Variants in GALNT17 observed in about 807,000 individuals in gnomAD.
The protein encoded by GALNT17 is UDP-GalNAc:polypeptide N-acetylgalactosaminyltransferase-like 3.
GALNT17 carries 29 observed loss-of-function variants against 63.7 expected under a neutral mutation model. The ratio of observed to expected loss-of-function variants is 0.46; its 90% CI spans 0.34 to 0.62. The LOEUF (loss-of-function observed/expected upper bound fraction) is 0.62, where lower values mean the gene tolerates loss of function less well. Ranked by LOEUF, GALNT17 falls within the 20% of genes least tolerant of loss-of-function variation. The pLI is 0.01. For synonymous variants in GALNT17, 305 were observed against 318.3 expected (o/e 0.96, Z 0.45); for missense variants, 603 against 799.6 (o/e 0.75, Z 2.97).
intron 5 of GALNT17, among the ~76,000 whole-genome samples, chr7:71,425,441 C>A (rs1302347150): frequency 6.6e-6 from 1 of 152,086 alleles, no homozygotes; most frequent in African/African-American, 2.4e-5. Context: ...CCAGGCTGGT[C>A]TTGAACTCCT....
intron 2 of GALNT17, among the ~76,000 whole-genome samples, chr7:71,374,845 T>A (rs1179945054): frequency 3.4e-5 from 5 of 149,036 alleles, no homozygotes; most frequent in African/African-American, 1.2e-4. Flanking sequence ...TTTTTTTTTT[T>A]TTTTTTTTTT....
intron 1 of GALNT17, among the ~76,000 whole-genome samples, chr7:71,242,301 A>G (rs1455620927): frequency 5.0e-5 from 6 of 119,280 alleles, no homozygotes; most frequent in African/African-American, 1.7e-4. Flanking sequence ...ACAGAGTCTC[A>G]CTCTGTCGCC....
At chr7:71,648,183 G>T (rs1381452478) in intron 6 of GALNT17, among the ~76,000 whole-genome samples, 3 of 151,928 alleles carry the variant, frequency 2.0e-5, no homozygotes, top group Non-Finnish European at 4.4e-5. Flanking sequence ...GTTTTTCTCA[G>T]CATTTACTAT....
intron 2 of GALNT17, among the ~76,000 whole-genome samples, chr7:71,345,147 G>GTTTTTTT (rs67919212): frequency 5.7e-5 from 8 of 139,428 alleles, no homozygotes; most frequent in East Asian, 2.1e-4. Flanking sequence ...GTTGTTTTTT[G>GTTTTTTT]TTTTTTTTTT....
chr7:71,184,478 A>G (rs1217766190), intron 1 of GALNT17, among the ~76,000 whole-genome samples: 2 of 152,136 alleles, frequency 1.3e-5, no homozygotes, highest in African/African-American at 2.4e-5. Flanking sequence ...GTCTTCACCA[A>G]CACACACTTT....
chr7:71,222,581 C>G (rs1020353142), intron 1 of GALNT17, among the ~76,000 whole-genome samples: 1 of 152,114 alleles, frequency 6.6e-6, no homozygotes, highest in African/African-American at 2.4e-5. Flanking sequence ...AGTTAGCCAT[C>G]GTGCCCAGCA....
At chr7:71,409,098 A>G (rs1485590641) in intron 3 of GALNT17, among the ~76,000 whole-genome samples, 1 of 151,642 alleles carries the variant, frequency 6.6e-6, no homozygotes, top group Non-Finnish European at 1.5e-5. Context: ...TGGAAATGGC[A>G]TGCCAAACCC....
chr7:71,651,810 C>T (rs1790758677), intron 6 of GALNT17, among the ~76,000 whole-genome samples: 1 of 152,150 alleles, frequency 6.6e-6, no homozygotes, highest in Admixed American at 6.5e-5. Flanking sequence ...CCCCGGGGTT[C>T]AAGTGATCCT....
intron 1 of GALNT17, among the ~76,000 whole-genome samples, chr7:71,192,974 G>A (rs1788980454): frequency 1.3e-5 from 2 of 152,100 alleles, no homozygotes; most frequent in African/African-American, 2.4e-5. Flanking sequence ...GCACTTAATA[G>A]CCTCTCTTTA....
chr7:71,496,383 A>C (rs1191600613), intron 5 of GALNT17, among the ~76,000 whole-genome samples: 3 of 151,880 alleles, frequency 2.0e-5, no homozygotes, highest in Admixed American at 2.0e-4. Context: ...TTAGCATTTG[A>C]GGGGAGCATC....
chr7:71,361,149 G>A (rs1312917774), intron 2 of GALNT17, among the ~76,000 whole-genome samples: 2 of 152,148 alleles, frequency 1.3e-5, no homozygotes, highest in African/African-American at 2.4e-5. Context: ...ATGCAGTGCT[G>A]TAGCCAACAG....
chr7:71,146,596 T>TCTCC (rs1294285288), intron 1 of GALNT17, among the ~76,000 whole-genome samples: 2 of 151,950 alleles, frequency 1.3e-5, no homozygotes, highest in Non-Finnish European at 2.9e-5. Flanking sequence ...TTCCCTCCCT[T>TCTCC]CTCCCTCCCT....
intron 6 of GALNT17, among the ~76,000 whole-genome samples, chr7:71,642,042 A>G (rs1271351972): frequency 6.6e-6 from 1 of 152,188 alleles, no homozygotes; most frequent in Non-Finnish European, 1.5e-5. Flanking sequence ...TGTCCCCAGC[A>G]TCAGCTGTCC....
chr7:71,375,281 TAAAA>T (rs1563045435), intron 2 of GALNT17, among the ~76,000 whole-genome samples: 1 of 152,124 alleles, frequency 6.6e-6, no homozygotes, highest in Non-Finnish European at 1.5e-5. Flanking sequence ...GGCAGAACAG[TAAAA>T]GGAAAATCGG....
intron 1 of GALNT17, among the ~76,000 whole-genome samples, chr7:71,234,111 C>T (rs1789842186): frequency 6.6e-6 from 1 of 152,106 alleles, no homozygotes; most frequent in Non-Finnish European, 1.5e-5. Context: ...GTGGGACACA[C>T]ATCCAAACCC....
intron 1 of GALNT17, among the ~76,000 whole-genome samples, chr7:71,298,227 C>T (rs897383231): frequency 6.6e-6 from 1 of 151,690 alleles, no homozygotes; most frequent in Non-Finnish European, 1.5e-5. Flanking sequence ...ATCATGTTGG[C>T]CAAGCTGGTC....
chr7:71,257,443 C>A (rs112168320), intron 1 of GALNT17, among the ~76,000 whole-genome samples: 25 of 152,208 alleles, frequency 1.6e-4, no homozygotes, highest in African/African-American at 6.0e-4. Flanking sequence ...CCCAGCACAG[C>A]CAGCACTCCC....
intron 2 of GALNT17, among the ~76,000 whole-genome samples, chr7:71,382,402 G>C (rs1310439034): frequency 6.6e-6 from 1 of 151,986 alleles, no homozygotes; most frequent in East Asian, 1.9e-4. Flanking sequence ...AACAAAAACA[G>C]AACAAAACAA....
chr7:71,239,295 A>ACC (rs35429124), intron 1 of GALNT17, among the ~76,000 whole-genome samples: 1,932 of 137,132 alleles, frequency 0.014, 8 homozygotes, highest in Middle Eastern at 0.023. Flanking sequence ...CCCTGTCTGT[A>ACC]CCCCCCCCCA....
Sources: allele counts gnomAD v4.1 joint callset (sites outside exome capture counted in the v4.1 genomes callset), GRCh38; gene constraint gnomAD v4.1.1; transcripts MANE v1.5; gene names NCBI Gene and HGNC (gene_info 2026-07-23, HGNC 2026-07-21).